Variants in ECT2 observed in about 807,000 individuals in gnomAD.
ECT2 encodes epithelial cell transforming 2, also known as protein ECT2.
A neutral mutation model predicts 116.9 loss-of-function variants in ECT2; 61 were observed. That is an observed-to-expected ratio of 0.52 (90% CI 0.42 to 0.65). ECT2 has a LOEUF of 0.65. Among genes scored for constraint, ECT2 ranks in the 30% least tolerant of loss-of-function variants. The probability of loss-of-function intolerance (pLI) is 0.00; values close to 1 mark genes in which losing one functional copy is unlikely to be tolerated. For synonymous variants in ECT2, 358 were observed against 346.4 expected (o/e 1.03, Z -0.37); for missense variants, 937 against 1,078.7 (o/e 0.87, Z 1.84).
chr3:172,785,332 A>C (rs1723423132), intron 17 of ECT2, among the ~76,000 whole-genome samples: 1 of 152,158 alleles, frequency 6.6e-6, no homozygotes, highest in Non-Finnish European at 1.5e-5. Flanking sequence ...CTGTGGTAAA[A>C]AATGTGTATG....
chr3:172,822,950 G>A (rs1333244012), downstream of ECT2, among the ~76,000 whole-genome samples: 1 of 151,944 alleles, frequency 6.6e-6, no homozygotes, highest in Non-Finnish European at 1.5e-5. Flanking sequence ...GGGGTAGAAA[G>A]CAATATTTGA....
At chr3:172,757,727 A>G (rs1281227381) in intron 5 of ECT2, among the ~76,000 whole-genome samples, 4 of 151,972 alleles carry the variant, frequency 2.6e-5, no homozygotes, top group African/African-American at 7.2e-5. Context: ...TACACTATCA[A>G]TACCACAATG....
chr3:172,811,214 T>A (rs1728719833), intron 22 of ECT2, among the ~76,000 whole-genome samples: 1 of 149,132 alleles, frequency 6.7e-6, no homozygotes, highest in Admixed American at 6.6e-5. Flanking sequence ...TCGTTGTTTG[T>A]TTTTAAAGAG....
chr3:172,757,565 G>A (rs530104025), intron 5 of ECT2, among the ~76,000 whole-genome samples: 67 of 152,056 alleles, frequency 4.4e-4, no homozygotes, highest in Non-Finnish European at 8.2e-4. Context: ...ACAGGTGCCC[G>A]CCACCATGCT....
rs554838269 is a variant in ECT2 at position 172,792,612 on chromosome 3, T to G, written c.1907+6038T>G. Reference sequence around the variant, plus strand: ...GTTTCCAGTTCTTGGCTCTTCCAAGTAAAGCTGCTGTGAAAATTTGTGAAC... The same window carrying G: ...GTTTCCAGTTCTTGGCTCTTCCAAGGAAAGCTGCTGTGAAAATTTGTGAAC... On this transcript the variant is annotated intron_variant, in intron 18 of 24. Coordinates refer to ENST00000392692, the MANE Select transcript of ECT2 (RefSeq NM_001258315.2). Among the ~76,000 whole-genome samples the G allele has an allele frequency of 9.2e-4, 140 of 152,342 alleles. 2 individuals are homozygous for G. The Middle Eastern group carries it at 0.02, about 22-fold the overall frequency.
intron 12 of ECT2, among the ~76,000 whole-genome samples, chr3:172,765,134 C>T (rs909342100): frequency 6.6e-6 from 1 of 152,154 alleles, no homozygotes; most frequent in Non-Finnish European, 1.5e-5. Flanking sequence ...TGTCTCATTT[C>T]CTTGATTCTC....
At chr3:172,765,350 C>T (rs1249493279) in intron 12 of ECT2, among the ~76,000 whole-genome samples, 1 of 151,718 alleles carries the variant, frequency 6.6e-6, no homozygotes. Context: ...GTCATTGTTT[C>T]TTCTCTATTG....
At chr3:172,803,033 C>A in intron 20 of ECT2, 53 bp downstream of exon 20, 1 of 1,457,078 alleles carries the variant, frequency 6.9e-7, no homozygotes, top group Non-Finnish European at 9.2e-7. Context: ...TGTAAGTTCC[C>A]TGAATATTTA....
chr3:172,772,495 C>T (rs777544846), intron 13 of ECT2, among the ~76,000 whole-genome samples: 8 of 152,154 alleles, frequency 5.3e-5, no homozygotes, highest in African/African-American at 9.7e-5. Flanking sequence ...TGTGCCCGGC[C>T]GAGAATTCTT....
At chr3:172,803,113 C>G in intron 20 of ECT2, 133 bp downstream of exon 20, 1 of 832,694 alleles carries the variant, frequency 1.2e-6, no homozygotes, top group Non-Finnish European at 1.7e-6. Context: ...TTAAAAAAAT[C>G]GAGGACAATT....
At chr3:172,781,044 A>G (rs966387346) in intron 14 of ECT2, among the ~76,000 whole-genome samples, 1 of 152,156 alleles carries the variant, frequency 6.6e-6, no homozygotes, top group Non-Finnish European at 1.5e-5. Context: ...CAAGATTTTG[A>G]AGATTGTTTT....
In ECT2 at chr3:172,802,936, AGAG is replaced by A; in HGVS notation, c.2066_2068del (p.Gly689del). ...TTCTCTAGGTGAGCACCCCTGTGAC[AGAG>A]GAGAACAAGTAACTCTCTTCCTCTT... On this transcript the variant is annotated inframe_deletion, in exon 20 of 25. Coordinates refer to ENST00000392692, the MANE Select transcript of ECT2 (RefSeq NM_001258315.2). The A allele has an allele frequency of 1.2e-6, 2 of 1,613,136 alleles. No individual in the cohort carries two copies. The highest frequency in any genetic ancestry group is 1.7e-6 in the Non-Finnish European group (2 of 1,179,502).
the ECT2 span, among the ~76,000 whole-genome samples, chr3:172,827,210 A>G: frequency 6.6e-6 from 1 of 152,340 alleles, no homozygotes; most frequent in South Asian, 2.1e-4. Flanking sequence ...CCACTGGAGA[A>G]CAGTATAAAG....
intron 18 of ECT2, among the ~76,000 whole-genome samples, chr3:172,788,786 G>A (rs1724064353): frequency 1.3e-5 from 2 of 152,190 alleles, no homozygotes; most frequent in African/African-American, 2.4e-5. Context: ...CAGGCAGGAC[G>A]CTGTGGCTCA....
intron 18 of ECT2, 61 bp downstream of exon 18, chr3:172,786,635 A>G (rs1723654489): frequency 2.6e-6 from 3 of 1,132,968 alleles, no homozygotes; most frequent in Non-Finnish European, 3.9e-6. Context: ...TTGATAGAAA[A>G]CTAGAATCAT....
chr3:172,777,063 G>A (rs1416819269), intron 14 of ECT2, among the ~76,000 whole-genome samples: 2 of 151,876 alleles, frequency 1.3e-5, no homozygotes, highest in African/African-American at 2.4e-5. Flanking sequence ...GTGGAGGTGG[G>A]GTTTCACCAC....
chr3:172,821,418 T>G lies in ECT2; in HGVS notation c.*1181T>G, dbSNP rs1481373194. On this transcript the variant is annotated 3_prime_UTR_variant, in exon 25 of 25. Coordinates refer to ENST00000392692, the MANE Select transcript of ECT2 (RefSeq NM_001258315.2). ...GTAGTAAATGACTCTTTGCTACATT[T>G]TAAAAGCAATTGTATTAGTAAGAAC... The G allele has an allele frequency of 6.6e-6, 1 of 151,950 alleles. No homozygotes were observed. Among genetic ancestry groups the G allele is most frequent in the Non-Finnish European group, 1.5e-5 (1 of 67,810 alleles). The allele number at this position is 151,950 out of a possible 1,614,324, so 9.4% of individuals were successfully genotyped here.
At chr3:172,761,784 T>G in intron 8 of ECT2, 101 bp downstream of exon 8, 3 of 727,164 alleles carry the variant, frequency 4.1e-6, no homozygotes, top group Non-Finnish European at 6.7e-6. Context: ...ATATAAAAAC[T>G]GAATTCAGTC....
Position 172,783,927 on chromosome 3 carries a change from C to A in ECT2, c.1728+18C>A. ...TTCTCAAGGTAATGTGTGTTTCTTT[C>A]AAATAAAAATTTGAGAATTATTTCT... On this transcript the variant is annotated intron_variant, in intron 16 of 24. Transcript: ENST00000392692. 2 of 1,472,488 alleles carry A rather than the reference C, an allele frequency of 1.4e-6. No individual in the cohort carries two copies. Among genetic ancestry groups the A allele is most frequent in the Non-Finnish European group, 1.8e-6 (2 of 1,081,240 alleles). 91.2% of individuals were successfully genotyped at this position (1,472,488 alleles called of 1,614,324 possible).
Sources: gnomAD v4.1 joint callset for allele counts (sites outside exome capture counted in the v4.1 genomes callset) on GRCh38, gnomAD v4.1.1 for gene constraint, MANE v1.5 for transcripts, NCBI Gene and HGNC (gene_info 2026-07-23, HGNC 2026-07-21) for gene names.